The following IMMP2L variants were observed in gnomAD, a reference collection of about 807,000 sequenced individuals.
IMMP2L encodes mitochondrial inner membrane protease subunit 2.
IMMP2L carries 18 observed loss-of-function variants against 19.3 expected under a neutral mutation model. The observed-to-expected ratio is 0.93, with a 90% CI of 0.64 to 1.38. The LOEUF (loss-of-function observed/expected upper bound fraction) is 1.38. Among genes scored for constraint, IMMP2L ranks in the 40% most tolerant of loss-of-function variants. IMMP2L has a pLI of 0.00. For synonymous variants in IMMP2L, 76 were observed against 73.0 expected (o/e 1.04, Z -0.21); for missense variants, 233 against 218.2 (o/e 1.07, Z -0.43).
At chr7:111,167,258 C>T (rs1367751786) in intron 3 of IMMP2L, among the ~76,000 whole-genome samples, 1 of 151,976 alleles carries the variant, frequency 6.6e-6, no homozygotes, top group African/African-American at 2.4e-5. Flanking sequence ...TATACAATTT[C>T]AGCTACTTTT....
chr7:111,257,356 CTAAAT>C (rs1816826745), intron 3 of IMMP2L, among the ~76,000 whole-genome samples: 2 of 152,102 alleles, frequency 1.3e-5, no homozygotes, highest in South Asian at 4.1e-4. Context: ...TCACCCGTTA[CTAAAT>C]TAAACATTTT....
intron 5 of IMMP2L, among the ~76,000 whole-genome samples, chr7:110,733,456 GTT>G (rs758543576): frequency 3.5e-4 from 48 of 139,040 alleles, no homozygotes; most frequent in Non-Finnish European, 7.1e-4. Context: ...GCCAAGGAGT[GTT>G]TTTTTTTTTT....
At chr7:110,732,115 G>A (rs557319019) in intron 5 of IMMP2L, among the ~76,000 whole-genome samples, 1 of 152,268 alleles carries the variant, frequency 6.6e-6, no homozygotes, top group Admixed American at 6.5e-5. Flanking sequence ...CATGTATGAC[G>A]GTGAAGTTCA....
intron 3 of IMMP2L, among the ~76,000 whole-genome samples, chr7:111,079,104 T>C (rs569451377): frequency 6.6e-6 from 1 of 152,138 alleles, no homozygotes; most frequent in South Asian, 2.1e-4. Flanking sequence ...TTGAATTAAA[T>C]ATGACATTAA....
At chr7:110,707,004 A>ATT (rs60393281) in intron 5 of IMMP2L, among the ~76,000 whole-genome samples, 15,124 of 114,100 alleles carry the variant, frequency 0.13, 1,246 homozygotes, top group Middle Eastern at 0.19. Context: ...TTTTTTTTTA[A>ATT]TTTTTTTTTT....
chr7:111,503,604 T>A (rs1471569977), intron 2 of IMMP2L, among the ~76,000 whole-genome samples: 7 of 152,010 alleles, frequency 4.6e-5, no homozygotes, highest in Non-Finnish European at 8.8e-5. Flanking sequence ...CAGCAGCACA[T>A]CAAAAAGCTT....
chr7:111,494,029 T>G (rs1007346932), intron 2 of IMMP2L, among the ~76,000 whole-genome samples: 1 of 152,120 alleles, frequency 6.6e-6, no homozygotes, highest in African/African-American at 2.4e-5. Context: ...AGCAATTTTT[T>G]CAAATCGATG....
At chr7:110,861,264 C>T (rs1459508288) in intron 5 of IMMP2L, among the ~76,000 whole-genome samples, 1 of 151,834 alleles carries the variant, frequency 6.6e-6, no homozygotes, top group Non-Finnish European at 1.5e-5. Flanking sequence ...TAATATAATG[C>T]TTTTTGGTGA....
At chr7:111,265,761 G>A (rs1817764025) in intron 3 of IMMP2L, among the ~76,000 whole-genome samples, 1 of 151,998 alleles carries the variant, frequency 6.6e-6, no homozygotes. Flanking sequence ...ATTAGACTAG[G>A]GGCAGGATAA....
At chr7:111,223,973 GC>G (rs1389340820) in intron 3 of IMMP2L, among the ~76,000 whole-genome samples, 2 of 152,116 alleles carry the variant, frequency 1.3e-5, no homozygotes, top group African/African-American at 4.8e-5. Context: ...AATATGGAAT[GC>G]CTTTTAAATT....
chr7:111,072,691 T>C (rs1795055345), intron 3 of IMMP2L, among the ~76,000 whole-genome samples: 1 of 152,006 alleles, frequency 6.6e-6, no homozygotes, highest in Non-Finnish European at 1.5e-5. Context: ...GTCAGGAGAT[T>C]GAGACCACCC....
intron 3 of IMMP2L, among the ~76,000 whole-genome samples, chr7:111,316,147 G>A (rs896398471): frequency 1.3e-5 from 2 of 152,096 alleles, no homozygotes; most frequent in African/African-American, 4.8e-5. Context: ...ATCCTCTTAT[G>A]GGAAGACCAT....
At chr7:111,041,388 G>A (rs1201054077) in intron 3 of IMMP2L, among the ~76,000 whole-genome samples, 1 of 151,814 alleles carries the variant, frequency 6.6e-6, no homozygotes, top group Non-Finnish European at 1.5e-5. Flanking sequence ...TGTCTTTGTG[G>A]CAGCTCATTC....
intron 3 of IMMP2L, among the ~76,000 whole-genome samples, chr7:111,339,409 C>T (rs1210715325): frequency 1.3e-5 from 2 of 151,762 alleles, no homozygotes; most frequent in Admixed American, 1.3e-4. Context: ...AAAAGAGAGG[C>T]CCATGTAAGT....
chr7:110,702,790 ATTAG>A (rs1177762763), intron 5 of IMMP2L, among the ~76,000 whole-genome samples: 5 of 152,210 alleles, frequency 3.3e-5, no homozygotes, highest in Admixed American at 6.5e-5. Flanking sequence ...AAACTTACAT[ATTAG>A]TTCTAGTATT....
chr7:111,390,835 AT>A (rs1251904242), intron 3 of IMMP2L: 2 of 152,128 alleles, frequency 1.3e-5, no homozygotes, highest in African/African-American at 4.8e-5. Context: ...ATTTCTGTGT[AT>A]TTTTAGTATC....
chr7:111,120,667 T>C (rs1800488954), intron 3 of IMMP2L, among the ~76,000 whole-genome samples: 1 of 152,174 alleles, frequency 6.6e-6, no homozygotes, highest in Non-Finnish European at 1.5e-5. Context: ...TTACGAATGA[T>C]AACACACAGG....
chr7:111,140,398 C>T (rs1170218811), intron 3 of IMMP2L, among the ~76,000 whole-genome samples: 1 of 152,136 alleles, frequency 6.6e-6, no homozygotes, highest in Non-Finnish European at 1.5e-5. Flanking sequence ...TCATGTCTTC[C>T]TGAGCCCAGG....
chr7:110,764,462 G>T (rs377109973), intron 5 of IMMP2L, among the ~76,000 whole-genome samples: 2 of 152,068 alleles, frequency 1.3e-5, no homozygotes, highest in East Asian at 3.9e-4. Flanking sequence ...AAAGTGAATA[G>T]ATGAAAGAAT....
Sources: gnomAD v4.1 joint callset for allele counts (sites outside exome capture counted in the v4.1 genomes callset) on GRCh38, gnomAD v4.1.1 for gene constraint, MANE v1.5 for transcripts, NCBI Gene and HGNC (gene_info 2026-07-23, HGNC 2026-07-21) for gene names.